SLC10A7: variants seen among roughly 807,000 people sequenced by gnomAD.
The protein encoded by SLC10A7 is sodium/bile acid cotransporter 7.
In SLC10A7, 29 loss-of-function variants were observed where a neutral mutation model predicts 43.2. The observed-to-expected ratio is 0.67, with a 90% CI of 0.50 to 0.92. The LOEUF (loss-of-function observed/expected upper bound fraction) is 0.92. Among genes scored for constraint, SLC10A7 ranks in the 40% least tolerant of loss-of-function variants. SLC10A7 has a pLI of 0.00. For synonymous variants in SLC10A7, 152 were observed against 144.8 expected (o/e 1.05, Z -0.35); for missense variants, 295 against 403.2 (o/e 0.73, Z 2.30).
At chr4:146,349,785 T>G (rs1209091899) in intron 5 of SLC10A7, among the ~76,000 whole-genome samples, 1 of 152,090 alleles carries the variant, frequency 6.6e-6, no homozygotes, top group Non-Finnish European at 1.5e-5. Flanking sequence ...ACCTAGATAT[T>G]GGGTTCTCAT....
At chr4:146,334,865 T>C (rs978864504) in intron 5 of SLC10A7, among the ~76,000 whole-genome samples, 2 of 152,024 alleles carry the variant, frequency 1.3e-5, no homozygotes, top group Admixed American at 6.6e-5. Flanking sequence ...TTGTAGAACA[T>C]GAAGAATTTT....
At chr4:146,279,171 T>TA (rs978802555) in intron 10 of SLC10A7, among the ~76,000 whole-genome samples, 1 of 152,180 alleles carries the variant, frequency 6.6e-6, no homozygotes, top group Non-Finnish European at 1.5e-5. Context: ...TCAGCTGACA[T>TA]ACTCTGAGGT....
Position 146,422,532 on chromosome 4 carries a change from G to A in SLC10A7, c.435+20251C>T, listed in dbSNP as rs149759551. Among the ~76,000 whole-genome samples the A allele has an allele frequency of 5.7e-3, 875 of 152,188 alleles. 2 individuals carry two copies. The highest frequency in any genetic ancestry group is 0.016 in the African/African-American group (663 of 41,546). ...AAAAGAACATTACTATAGTTTAACC[G>A]TGTATAAAACTGTAACTAAAAAGTT... On this transcript the variant is annotated intron_variant, in intron 5 of 11. Transcript: ENST00000335472.
At position 146,293,947 on chromosome 4, in the gene SLC10A7, A is replaced by C. The variant is rs1730611744; in HGVS notation, c.704T>G (p.Val235Gly). 1.2e-6 allele frequency: 2 copies of C among 1,612,642 alleles called. No homozygotes were observed. Among genetic ancestry groups the C allele is most frequent in the African/African-American group, 1.3e-5 (1 of 74,900 alleles). Residue 235 changes from valine to glycine, a missense_variant, in exon 8 of 12, where the codon GTT becomes GGT. Transcript: ENST00000335472. ...PNIDLDKFSL[V>G]LILFIIFSIQ... is the part of the protein sequence containing the mutation. Reference sequence around the variant, plus strand: ...CAACTTACTTATGAACAGTATGAGAACAAGGCTGAATTTATCCAGGTCAAT... The same window carrying C: ...CAACTTACTTATGAACAGTATGAGACCAAGGCTGAATTTATCCAGGTCAAT...
intron 7 of SLC10A7, among the ~76,000 whole-genome samples, chr4:146,299,826 G>C (rs941237244): frequency 6.6e-6 from 1 of 152,198 alleles, no homozygotes; most frequent in Non-Finnish European, 1.5e-5. Context: ...AGACCAATGT[G>C]TATTGCTCTC....
chr4:146,333,548 A>C (rs1733678624), intron 5 of SLC10A7, among the ~76,000 whole-genome samples: 1 of 152,174 alleles, frequency 6.6e-6, no homozygotes, highest in African/African-American at 2.4e-5. Flanking sequence ...AGAACAGAAG[A>C]AGGGAAGGGA....
chr4:146,392,319 C>T (rs950812127), intron 5 of SLC10A7, among the ~76,000 whole-genome samples: 1 of 152,104 alleles, frequency 6.6e-6, no homozygotes, highest in Non-Finnish European at 1.5e-5. Flanking sequence ...TATATTCTAT[C>T]TCCCTTATCT....
intron 5 of SLC10A7, among the ~76,000 whole-genome samples, chr4:146,381,628 C>A (rs1000828886): frequency 1.3e-5 from 2 of 152,086 alleles, no homozygotes; most frequent in Non-Finnish European, 2.9e-5. Context: ...TCTGTCAATG[C>A]CACTCTTTCA....
intron 5 of SLC10A7, among the ~76,000 whole-genome samples, chr4:146,349,188 A>G (rs1437451469): frequency 6.6e-6 from 1 of 152,226 alleles, no homozygotes; most frequent in East Asian, 1.9e-4. Flanking sequence ...ACTACTTGTT[A>G]CTACTATAGT....
At chr4:146,464,372 T>C (rs931398991) in intron 4 of SLC10A7, among the ~76,000 whole-genome samples, 2 of 152,188 alleles carry the variant, frequency 1.3e-5, no homozygotes, top group African/African-American at 4.8e-5. Context: ...ATTAATGTAG[T>C]TAACTGAACA....
intron 4 of SLC10A7, among the ~76,000 whole-genome samples, chr4:146,488,014 CTG>C (rs1735066664): frequency 6.6e-6 from 1 of 151,956 alleles, no homozygotes; most frequent in Non-Finnish European, 1.5e-5. Flanking sequence ...TAGTGGAACT[CTG>C]TCTCTACGAA....
At chr4:146,412,165 T>G (rs748474892) in intron 5 of SLC10A7, among the ~76,000 whole-genome samples, 96 of 148,050 alleles carry the variant, frequency 6.5e-4, no homozygotes, top group Non-Finnish European at 1.2e-3. Context: ...CAAAAAAAAA[T>G]TACGTGATAG....
intron 9 of SLC10A7, among the ~76,000 whole-genome samples, chr4:146,287,439 A>T (rs1158011061): frequency 1.3e-5 from 2 of 152,146 alleles, no homozygotes; most frequent in African/African-American, 2.4e-5. Flanking sequence ...AGCAAAAGTG[A>T]ACAAGGGGAG....
At chr4:146,383,853 T>C (rs1440120882) in intron 5 of SLC10A7, among the ~76,000 whole-genome samples, 1 of 152,178 alleles carries the variant, frequency 6.6e-6, no homozygotes, top group Non-Finnish European at 1.5e-5. Context: ...AGGTAGCTAC[T>C]AATTAGATGT....
chr4:146,436,782 A>G (rs558650648), intron 5 of SLC10A7, among the ~76,000 whole-genome samples: 1 of 152,246 alleles, frequency 6.6e-6, no homozygotes, highest in South Asian at 2.1e-4. Flanking sequence ...TCAGATTCAG[A>G]GCCTTGAATA....
chr4:146,262,207 T>A (rs1728272696), intron 10 of SLC10A7, among the ~76,000 whole-genome samples: 1 of 152,154 alleles, frequency 6.6e-6, no homozygotes, highest in Non-Finnish European at 1.5e-5. Context: ...ACTTAGTACA[T>A]CTTCAGTTTC....
At chr4:146,462,374 C>A (rs1232462509) in intron 4 of SLC10A7, among the ~76,000 whole-genome samples, 1 of 152,008 alleles carries the variant, frequency 6.6e-6, no homozygotes, top group African/African-American at 2.4e-5. Context: ...TAGAAAATCT[C>A]TTCCCAATTT....
intron 4 of SLC10A7, among the ~76,000 whole-genome samples, chr4:146,479,812 T>C (rs1734313235): frequency 6.6e-6 from 1 of 152,078 alleles, no homozygotes; most frequent in South Asian, 2.1e-4. Context: ...CCAAAGACAA[T>C]AAAAATTCCA....
At chr4:146,463,357 T>C (rs747515300) in intron 4 of SLC10A7, among the ~76,000 whole-genome samples, 1 of 152,124 alleles carries the variant, frequency 6.6e-6, no homozygotes, top group Non-Finnish European at 1.5e-5. Flanking sequence ...AAAGTTAACT[T>C]CACACGCTTT....
Sources: gnomAD v4.1 joint callset for allele counts (sites outside exome capture counted in the v4.1 genomes callset) on GRCh38, gnomAD v4.1.1 for gene constraint, MANE v1.5 for transcripts, NCBI Gene and HGNC (gene_info 2026-07-23, HGNC 2026-07-21) for gene names.